L3MBTL4: variants seen among roughly 807,000 people sequenced by gnomAD.
The protein encoded by L3MBTL4 is L3MBTL histone methyl-lysine binding protein 4, also known as lethal(3)malignant brain tumor-like protein 4.
A neutral mutation model predicts 84.5 loss-of-function variants in L3MBTL4; 70 were observed. That is an observed-to-expected ratio of 0.83 (90% confidence interval 0.68 to 1.01). The LOEUF is 1.01. L3MBTL4 is among the 50% of genes least tolerant of loss of function. The pLI is 0.00. For missense variants in L3MBTL4, 715 were observed against 754.8 expected (o/e 0.95, Z 0.62); for synonymous variants, 274 against 259.8 (o/e 1.05, Z -0.52).
intron 1 of L3MBTL4, among the ~76,000 whole-genome samples, chr18:6,368,753 G>A (rs9946937): frequency 0.15 from 23,041 of 152,070 alleles, 2,796 homozygotes; most frequent in African/African-American, 0.32. Context: ...AAAAGTCAAC[G>A]TCTGGAGGCT....
Position 6,369,364 on chromosome 18 carries a change from G to A in L3MBTL4, c.-91+45437C>T, listed in dbSNP as rs114630641. Reference sequence around the variant, plus strand: ...GGGGACGGGCAGGGAGGGATGCTGGGGGCATGTGGTGTGCGGAGGCCAGCA... The same window carrying A: ...GGGGACGGGCAGGGAGGGATGCTGGAGGCATGTGGTGTGCGGAGGCCAGCA... On this transcript the variant is annotated intron_variant, in intron 1 of 18. Coordinates refer to ENST00000317931, the MANE Select transcript of L3MBTL4 (RefSeq NM_001330559.2). Among the ~76,000 whole-genome samples, 1,025 of 152,300 alleles carry A rather than the reference G, an allele frequency of 6.7e-3. 15 individuals are homozygous for A. The highest frequency in any genetic ancestry group is 0.024 in the African/African-American group (977 of 41,554).
Position 6,093,446 on chromosome 18 carries a change from T to G in L3MBTL4, c.1282A>C (p.Asn428His). ...GAATGTGAAGAGTCTGATTCCAAAT[T>G]TGCCTGTGTTTGTTCTCTCAAACGA... ...HDRLREQTQANLESDSSHSKS... is the reference protein window; with the variant it reads ...HDRLREQTQAHLESDSSHSKS... Residue 428 changes from asparagine to histidine, a missense_variant, in exon 15 of 19, where the codon AAT becomes CAT. Physicochemically the swap from Asn to His is moderately conservative, Grantham distance 68 (BLOSUM62 1). Coordinates refer to ENST00000317931, the MANE Select transcript of L3MBTL4 (RefSeq NM_001330559.2). 1 of 1,614,092 alleles carries G rather than the reference T, an allele frequency of 6.2e-7. No homozygotes were observed. The highest frequency in any genetic ancestry group is 2.2e-5 in the East Asian group (1 of 44,858).
chr18:6,105,743 T>C (rs181783489), intron 14 of L3MBTL4, among the ~76,000 whole-genome samples: 383 of 148,566 alleles, frequency 2.6e-3, no homozygotes, highest in Admixed American at 4.4e-3. Context: ...GAAGTTGCAG[T>C]GAGCTAATAT....
At chr18:6,290,174 C>T (rs1378530899) in intron 4 of L3MBTL4, among the ~76,000 whole-genome samples, 1 of 152,116 alleles carries the variant, frequency 6.6e-6, no homozygotes, top group Non-Finnish European at 1.5e-5. Context: ...CCTGGATCTC[C>T]CAAAGTGCCT....
intron 10 of L3MBTL4, among the ~76,000 whole-genome samples, chr18:6,222,876 G>GT (rs929729558): frequency 4.6e-4 from 69 of 150,820 alleles, no homozygotes; most frequent in Middle Eastern, 3.4e-3. Context: ...GTAATCTTTT[G>GT]TTTGGCTAAA....
At chr18:6,143,972 C>A (rs554405705) in intron 13 of L3MBTL4, among the ~76,000 whole-genome samples, 3 of 151,958 alleles carry the variant, frequency 2.0e-5, no homozygotes, top group African/African-American at 7.3e-5. Context: ...CCAAGGGTGG[C>A]GGATCACAAG....
chr18:6,187,293 TTTC>T (rs1022557605), intron 12 of L3MBTL4, among the ~76,000 whole-genome samples: 8 of 152,318 alleles, frequency 5.3e-5, no homozygotes, highest in Admixed American at 6.5e-5. Flanking sequence ...GTGGCTGTGG[TTTC>T]TTCTACAAAA....
intron 14 of L3MBTL4, among the ~76,000 whole-genome samples, chr18:6,099,045 C>G (rs1471690727): frequency 1.3e-5 from 2 of 152,196 alleles, no homozygotes; most frequent in African/African-American, 2.4e-5. Context: ...CCTGCCTCAC[C>G]ATGTGGCCTC....
At chr18:6,239,991 C>T in intron 8 of L3MBTL4, 119 bp from the exon 9 acceptor site, 4 of 943,714 alleles carry the variant, frequency 4.2e-6, no homozygotes, top group South Asian at 3.3e-5. Context: ...CAGCACTTAG[C>T]CTCTGGACAA....
chr18:6,215,009 T>C (rs1281636704), intron 11 of L3MBTL4, among the ~76,000 whole-genome samples: 1 of 152,152 alleles, frequency 6.6e-6, no homozygotes, highest in African/African-American at 2.4e-5. Context: ...TTATAATCAA[T>C]TTTTTCAAAA....
chr18:6,016,652 A>G (rs545338197), intron 16 of L3MBTL4, among the ~76,000 whole-genome samples: 3 of 152,334 alleles, frequency 2.0e-5, no homozygotes, highest in Non-Finnish European at 2.9e-5. Flanking sequence ...CTGAGTCTCC[A>G]AAGTCTATTA....
At chr18:6,242,969 C>A (rs1320161856) in intron 7 of L3MBTL4, among the ~76,000 whole-genome samples, 1 of 152,080 alleles carries the variant, frequency 6.6e-6, no homozygotes, top group East Asian at 1.9e-4. Flanking sequence ...TTTGTTTCAA[C>A]CATGATTTAA....
At chr18:6,232,301 G>A (rs1389151900) in intron 10 of L3MBTL4, among the ~76,000 whole-genome samples, 1 of 151,944 alleles carries the variant, frequency 6.6e-6, no homozygotes, top group Non-Finnish European at 1.5e-5. Flanking sequence ...GTATTTTATT[G>A]AGGATTTTTG....
At chr18:6,008,729 T>G (rs1369915054) in intron 16 of L3MBTL4, among the ~76,000 whole-genome samples, 1 of 152,166 alleles carries the variant, frequency 6.6e-6, no homozygotes, top group Non-Finnish European at 1.5e-5. Flanking sequence ...CAGTCCAGAG[T>G]ATCACGGGTT....
chr18:6,164,253 G>A (rs529252190), intron 13 of L3MBTL4, among the ~76,000 whole-genome samples: 6 of 152,326 alleles, frequency 3.9e-5, no homozygotes, highest in South Asian at 2.1e-4. Context: ...CACCTCTGGG[G>A]GCAGGGCACA....
rs544374184 is a variant in L3MBTL4, at chr18:5,963,436, G to A, written c.1615-3280C>T. 1.1e-4 allele frequency among the ~76,000 whole-genome samples: 16 copies of A among 152,320 alleles called. 1 individual carries two copies. The South Asian group carries it at 1.9e-3, about 18-fold the overall frequency. ...AAACCAAAGCGTCAACAGAGCAGAC[G>A]CGGCCCTGCCCCGTGGTGGCCTCCA... On this transcript the variant is annotated intron_variant, in intron 17 of 18. Coordinates refer to ENST00000317931, the MANE Select transcript of L3MBTL4 (RefSeq NM_001330559.2).
intron 16 of L3MBTL4, among the ~76,000 whole-genome samples, chr18:6,005,456 C>T (rs989136724): frequency 6.6e-6 from 1 of 152,084 alleles, no homozygotes; most frequent in African/African-American, 2.4e-5. Context: ...AACATAGTAC[C>T]TGATAAGTAG....
intron 1 of L3MBTL4, among the ~76,000 whole-genome samples, chr18:6,315,182 T>G (rs1273629946): frequency 6.6e-6 from 1 of 152,032 alleles, no homozygotes; most frequent in African/African-American, 2.4e-5. Context: ...TCTAGGACAC[T>G]GCACAGATCT....
chr18:6,031,811 G>T (rs1001606726), intron 16 of L3MBTL4: 12 of 910,532 alleles, frequency 1.3e-5, no homozygotes, highest in East Asian at 2.4e-4. Context: ...CAGATTCATG[G>T]TTTTTTTTTT....
Sources: gnomAD v4.1 joint callset for allele counts (sites outside exome capture counted in the v4.1 genomes callset) on GRCh38, gnomAD v4.1.1 for gene constraint, MANE v1.5 for transcripts, NCBI Gene and HGNC (gene_info 2026-07-23, HGNC 2026-07-21) for gene names.